The following ZNF490 variants were observed in gnomAD, a reference collection of about 807,000 sequenced individuals.
ZNF490 encodes the protein zinc finger protein 490.
In ZNF490, 11 loss-of-function variants were observed where a neutral mutation model predicts 17.7. The observed-to-expected ratio is 0.62, with a 90% confidence interval of 0.39 to 1.03. The LOEUF (loss-of-function observed/expected upper bound fraction) is 1.03, where lower values mean the gene tolerates loss of function less well. Among genes scored for constraint, ZNF490 ranks in the 50% least tolerant of loss-of-function variants. The pLI is 0.00. For synonymous variants in ZNF490, 222 were observed against 216.1 expected (o/e 1.03, Z -0.24); for missense variants, 542 against 643.4 (o/e 0.84, Z 1.71).
At chr19:12,603,349 T>G (rs1409129786) in intron 2 of ZNF490, among the ~76,000 whole-genome samples, 3 of 151,738 alleles carry the variant, frequency 2.0e-5, no homozygotes, top group Non-Finnish European at 2.9e-5. Flanking sequence ...TGGCCAGGCA[T>G]AGGGGTGTGT....
intron 2 of ZNF490, among the ~76,000 whole-genome samples, chr19:12,606,285 T>TG (rs1460983986): frequency 6.6e-6 from 1 of 151,706 alleles, no homozygotes; most frequent in Non-Finnish European, 1.5e-5. Context: ...CTCCAACTCT[T>TG]GGACTCAAGG....
Position 12,578,282 on chromosome 19 carries a change from C to T in ZNF490, c.*2203G>A. The T allele has an allele frequency of 1.0e-6, 1 of 985,634 alleles. No homozygotes were observed. The allele number at this position is 985,634 out of a possible 1,614,324, so 61.1% of individuals were successfully genotyped here. On this transcript the variant is annotated 3_prime_UTR_variant, in exon 5 of 5. Transcript: ENST00000311437. Reference sequence around the variant, plus strand: ...TAGGGGAGGTAAGAATTCTGAGTGTCCTACAGCTAAGACATGGCAGAGTGT... The same window carrying T: ...TAGGGGAGGTAAGAATTCTGAGTGTTCTACAGCTAAGACATGGCAGAGTGT...
intron 2 of ZNF490, among the ~76,000 whole-genome samples, chr19:12,604,873 G>T (rs931686032): frequency 2.6e-5 from 4 of 151,760 alleles, no homozygotes; most frequent in African/African-American, 9.7e-5. Context: ...TCCTTTGTAG[G>T]CTGGGTGCAG....
At chr19:12,596,892 G>C (rs1419051453) in intron 2 of ZNF490, among the ~76,000 whole-genome samples, 1 of 152,210 alleles carries the variant, frequency 6.6e-6, no homozygotes, top group African/African-American at 2.4e-5. Flanking sequence ...ACGAGAATCC[G>C]TCATGACTTT....
Position 12,580,682 on chromosome 19 carries a change from C to T in ZNF490, c.1393G>A (p.Glu465Lys), listed in dbSNP as rs774653522. The T allele has an allele frequency of 7.4e-6, 12 of 1,614,166 alleles. No homozygotes were observed. The highest frequency in any genetic ancestry group is 1.1e-5 in the South Asian group (1 of 91,080). Residue 465 changes from glutamate to lysine, a missense_variant, in exon 5 of 5, where the codon GAA becomes AAA. By Grantham distance (56) the Glu-to-Lys change is moderately conservative. Coordinates refer to ENST00000311437, the MANE Select transcript of ZNF490 (RefSeq NM_020714.3). ...FIYFSHLRRH[E>K]RSHTGVKPCE... Reference sequence around the variant, plus strand: ...GGTTTCACTCCAGTGTGACTTCTTTCGTGCCTTCGAAGGTGACTGAAGTAA... The same window carrying T: ...GGTTTCACTCCAGTGTGACTTCTTTTGTGCCTTCGAAGGTGACTGAAGTAA...
chr19:12,604,262 T>A (rs1318777860), intron 2 of ZNF490, among the ~76,000 whole-genome samples: 2 of 152,190 alleles, frequency 1.3e-5, no homozygotes, highest in African/African-American at 2.4e-5. Context: ...ACGCCTGTAA[T>A]CCCAGCACTT....
chr19:12,577,047 C>T lies in ZNF490; in HGVS notation c.*3438G>A, dbSNP rs1044066457. ...TGATCTCTTCTCCAGGTTTCTCTGG[C>T]TCCTCGGGAATAACCACCACAGTGC... is the stretch of plus-strand genomic sequence containing the variant. On this transcript the variant is annotated 3_prime_UTR_variant, in exon 5 of 5. Coordinates refer to ENST00000311437, the MANE Select transcript of ZNF490 (RefSeq NM_020714.3). Among the ~76,000 whole-genome samples, 1 of 152,118 alleles carries T rather than the reference C, an allele frequency of 6.6e-6. No individual in the cohort carries two copies. Among genetic ancestry groups the T allele is most frequent in the Admixed American group, 6.6e-5 (1 of 15,242 alleles).
At chr19:12,607,561 A>G (rs2023083957) in intron 2 of ZNF490, among the ~76,000 whole-genome samples, 1 of 151,938 alleles carries the variant, frequency 6.6e-6, no homozygotes, top group Non-Finnish European at 1.5e-5. Flanking sequence ...ACTTCTCAGT[A>G]TTAAAGTCCA....
intron 2 of ZNF490, chr19:12,597,128 C>A (rs570867439): frequency 4.3e-6 from 2 of 462,278 alleles, no homozygotes; most frequent in Admixed American, 4.7e-5. Flanking sequence ...GGTCTCGGGA[C>A]TCCCGGCCCC....
At chr19:12,599,758 A>AT (rs145624181) in intron 2 of ZNF490, among the ~76,000 whole-genome samples, 5,107 of 152,070 alleles carry the variant, frequency 0.034, 285 homozygotes, top group African/African-American at 0.12. Flanking sequence ...GGGAATGTGG[A>AT]TTTTTTTTGC....
intron 2 of ZNF490, among the ~76,000 whole-genome samples, chr19:12,607,828 C>T (rs2145169959): frequency 6.6e-6 from 1 of 152,120 alleles, no homozygotes; most frequent in East Asian, 1.9e-4. Context: ...TGATAGCTTC[C>T]CCATTTCGGG....
At position 12,591,128 on chromosome 19, in the gene ZNF490, C is replaced by T. The variant is rs567173326; in HGVS notation, c.163-7572G>A. Among the ~76,000 whole-genome samples, 136 of 149,590 alleles carry T rather than the reference C, an allele frequency of 9.1e-4. 1 individual carries two copies. Among genetic ancestry groups the T allele is most frequent in the Non-Finnish European group, 1.8e-3 (120 of 67,406 alleles). On this transcript the variant is annotated intron_variant, in intron 2 of 4. Coordinates refer to ENST00000311437, the MANE Select transcript of ZNF490 (RefSeq NM_020714.3). ...CTGGGGCCGGGCACGGTGGCTCATG[C>T]CTGTAATCCCAACTCTTTGGGAGGC...
chr19:12,609,804 G>A, intron 1 of ZNF490: 1 of 366,500 alleles, frequency 2.7e-6, no homozygotes, highest in South Asian at 2.0e-5. Flanking sequence ...CATACAGAAT[G>A]GAATAATAGA....
At position 12,576,830 on chromosome 19, in the gene ZNF490, A is replaced by C. The variant is rs2022646038; in HGVS notation, c.*3655T>G. Among the ~76,000 whole-genome samples the C allele has an allele frequency of 6.6e-6, 1 of 151,092 alleles. No individual in the cohort carries two copies. The highest frequency in any genetic ancestry group is 1.5e-5 in the Non-Finnish European group (1 of 67,806). Reference sequence around the variant, plus strand: ...ATCCATCTCAAAAAAAAAAAAAAAAAAAAAAACCTAAAAGCATTCCATATT... The same window carrying C: ...ATCCATCTCAAAAAAAAAAAAAAAACAAAAAACCTAAAAGCATTCCATATT... On this transcript the variant is annotated 3_prime_UTR_variant, in exon 5 of 5. Transcript: ENST00000311437.
Position 12,578,309 on chromosome 19 carries a change from T to C in ZNF490, c.*2176A>G, listed in dbSNP as rs2022672956. On this transcript the variant is annotated 3_prime_UTR_variant, in exon 5 of 5. Transcript: ENST00000311437. The stretch of plus-strand genomic sequence containing the variant: ...TACAGCTAAGACATGGCAGAGTGTG[T>C]CTGTGACTCCACTAGCAGTTTTGAG... 1 of 985,566 alleles carries C rather than the reference T, an allele frequency of 1.0e-6. No individual in the cohort carries two copies. The allele number at this position is 985,566 out of a possible 1,614,324, so 61.1% of individuals were successfully genotyped here. A position where few individuals can be genotyped will look rare whatever the true frequency, so the allele number is the denominator to read the frequency against.
rs1599302466 is a variant in ZNF490, at chr19:12,577,411, A to C, written c.*3074T>G. 3 of 983,648 alleles carry C rather than the reference A, an allele frequency of 3.0e-6. No homozygotes were observed. Among genetic ancestry groups the C allele is most frequent in the Non-Finnish European group, 3.6e-6 (3 of 828,328 alleles). The allele number at this position is 983,648 out of a possible 1,614,324, so 60.9% of individuals were successfully genotyped here. A position where few individuals can be genotyped will look rare whatever the true frequency, so the allele number is the denominator to read the frequency against. ...ACTTCCTGACCTCCCACAGTACAAT[A>C]ATCATCTCTCTACAAAAGCACAACA... On this transcript the variant is annotated 3_prime_UTR_variant, in exon 5 of 5. Coordinates refer to ENST00000311437, the MANE Select transcript of ZNF490 (RefSeq NM_020714.3).
At chr19:12,593,855 GAAAGA>G (rs1483263639) in intron 2 of ZNF490, among the ~76,000 whole-genome samples, 3 of 152,154 alleles carry the variant, frequency 2.0e-5, no homozygotes, top group Non-Finnish European at 4.4e-5. Flanking sequence ...TGGCAAGGAA[GAAAGA>G]AAAGAAGTCA....
At position 12,577,701 on chromosome 19, in the gene ZNF490, C is replaced by T; in HGVS notation, c.*2784G>A. ...TCACCGTGGTTTTGGATGCTGCCAC[C>T]TGACCCATCCCTGCTGTTGGGGGAG... On this transcript the variant is annotated 3_prime_UTR_variant, in exon 5 of 5. Coordinates refer to ENST00000311437, the MANE Select transcript of ZNF490 (RefSeq NM_020714.3). 1.0e-6 allele frequency: 1 copy of T among 985,566 alleles called. No homozygotes were observed. The highest frequency in any genetic ancestry group is 1.2e-6 in the Non-Finnish European group (1 of 830,028). 61.1% of individuals were successfully genotyped at this position (985,566 alleles called of 1,614,324 possible).
At chr19:12,603,446 C>T (rs989163662) in intron 2 of ZNF490, among the ~76,000 whole-genome samples, 11 of 152,014 alleles carry the variant, frequency 7.2e-5, no homozygotes, top group African/African-American at 1.4e-4. Context: ...TGTGATGACA[C>T]CACTGCACTC....
Sources: allele counts gnomAD v4.1 joint callset (sites outside exome capture counted in the v4.1 genomes callset), GRCh38; gene constraint gnomAD v4.1.1; transcripts MANE v1.5; gene names NCBI Gene and HGNC (gene_info 2026-07-23, HGNC 2026-07-21).